Variants in EXOC6 observed in about 807,000 individuals in gnomAD.
EXOC6 encodes SEC15-like 1.
Under a neutral mutation model 112.5 loss-of-function variants are expected in EXOC6, and 60 were observed. The observed-to-expected ratio is 0.53, with a 90% CI of 0.43 to 0.66. The LOEUF is 0.66. EXOC6 is among the 30% of genes least tolerant of loss of function. The pLI is 0.00. For missense variants in EXOC6, 855 were observed against 957.1 expected, an observed-to-expected ratio of 0.89 and a Z score of 1.41; for synonymous variants, 295 against 308.0, an observed-to-expected ratio of 0.96 and a Z score of 0.44.
At chr10:92,955,328 C>T (rs1853631106) in intron 16 of EXOC6, among the ~76,000 whole-genome samples, 1 of 151,600 alleles carries the variant, frequency 6.6e-6, no homozygotes, top group African/African-American at 2.4e-5. Flanking sequence ...TTGAAACATA[C>T]TATGAAAAGT....
At chr10:93,049,561 TTTTTG>T (rs1234623974) in intron 20 of EXOC6, among the ~76,000 whole-genome samples, 1 of 152,182 alleles carries the variant, frequency 6.6e-6, no homozygotes, top group Non-Finnish European at 1.5e-5. Flanking sequence ...CAGGTAGGTC[TTTTTG>T]TTTTGTTTGT....
At chr10:92,860,943 A>G (rs990989359) in intron 1 of EXOC6, among the ~76,000 whole-genome samples, 3 of 152,196 alleles carry the variant, frequency 2.0e-5, no homozygotes, top group Non-Finnish European at 2.9e-5. Flanking sequence ...GTTTGAGTGC[A>G]GTGCCTGGTT....
intron 17 of EXOC6, among the ~76,000 whole-genome samples, chr10:92,960,592 CAAAA>C (rs56016433): frequency 1.8e-5 from 2 of 112,996 alleles, no homozygotes; most frequent in Non-Finnish European, 3.9e-5. Context: ...ATTTAAATTG[CAAAA>C]AAAAAAAAAA....
intron 1 of EXOC6, among the ~76,000 whole-genome samples, chr10:92,858,910 G>A (rs553805528): frequency 4.7e-4 from 71 of 152,166 alleles, no homozygotes; most frequent in African/African-American, 1.5e-3. Context: ...GACTACAGGC[G>A]CACACCGCCA....
intron 19 of EXOC6, among the ~76,000 whole-genome samples, chr10:93,005,574 C>G (rs1291044771): frequency 6.6e-6 from 1 of 152,056 alleles, no homozygotes; most frequent in African/African-American, 2.4e-5. Flanking sequence ...GAAATTCTTC[C>G]TGTTACTAAG....
intron 20 of EXOC6, among the ~76,000 whole-genome samples, chr10:93,030,695 G>A (rs950911743): frequency 1.3e-5 from 2 of 152,100 alleles, no homozygotes; most frequent in African/African-American, 2.4e-5. Context: ...CAAGTATGGA[G>A]AAAAATAAAG....
At chr10:92,978,085 T>C (rs1287824960) in intron 18 of EXOC6, among the ~76,000 whole-genome samples, 1 of 151,994 alleles carries the variant, frequency 6.6e-6, no homozygotes, top group Admixed American at 6.6e-5. Flanking sequence ...TACAACCATA[T>C]AAAAAGAAAA....
At chr10:92,959,066 C>A (rs1344955016) in intron 17 of EXOC6, among the ~76,000 whole-genome samples, 1 of 152,082 alleles carries the variant, frequency 6.6e-6, no homozygotes, top group Non-Finnish European at 1.5e-5. Flanking sequence ...TGCACTCCAG[C>A]CTGGCGGTAG....
intron 1 of EXOC6, among the ~76,000 whole-genome samples, chr10:92,881,081 T>G (rs1398577072): frequency 6.6e-6 from 1 of 152,184 alleles, no homozygotes; most frequent in Non-Finnish European, 1.5e-5. Flanking sequence ...TGAAGTAATC[T>G]GAAGTCTCAA....
chr10:92,943,786 C>T (rs900179104), intron 13 of EXOC6, among the ~76,000 whole-genome samples: 7 of 151,802 alleles, frequency 4.6e-5, no homozygotes, highest in Non-Finnish European at 5.9e-5. Context: ...TATTATTAAC[C>T]GTAGTCACCT....
chr10:92,882,499 G>C (rs576225805), intron 1 of EXOC6, among the ~76,000 whole-genome samples: 3 of 145,998 alleles, frequency 2.1e-5, no homozygotes, highest in African/African-American at 7.6e-5. Context: ...AGCCAAGATC[G>C]TGCCACTACA....
At position 92,928,349 on chromosome 10, in the gene EXOC6, A is replaced by C; in HGVS notation, c.899A>C (p.Glu300Ala). 1 of 1,606,034 alleles carries C rather than the reference A, an allele frequency of 6.2e-7. No individual in the cohort carries two copies. Among genetic ancestry groups the C allele is most frequent in the Non-Finnish European group, 8.5e-7 (1 of 1,174,672 alleles). ...LHIYSVLGDE[E>A]TFENYYRKQR... Reference sequence around the variant, plus strand: ...CTGATTTTATTTTAGGGTGACGAGGAAACATTTGAAAACTATTATCGAAAA... The same window carrying C: ...CTGATTTTATTTTAGGGTGACGAGGCAACATTTGAAAACTATTATCGAAAA... Residue 300 changes from glutamate to alanine, a missense_variant, in exon 9 of 22, where the codon GAA becomes GCA. Physicochemically the swap from Glu to Ala is moderately radical, Grantham distance 107. This residue lies in a region of EXOC6 where 405 missense variants were observed against 393.6 expected (regional missense o/e 1.03). Coordinates refer to ENST00000260762, the MANE Select transcript of EXOC6 (RefSeq NM_019053.6).
At chr10:92,965,808 A>G (rs781003839) in intron 17 of EXOC6, among the ~76,000 whole-genome samples, 11 of 152,174 alleles carry the variant, frequency 7.2e-5, no homozygotes, top group Non-Finnish European at 1.5e-4. Context: ...GATCAGACAC[A>G]TATGTTTTCT....
chr10:92,945,669 T>C (rs1023652595), intron 13 of EXOC6, among the ~76,000 whole-genome samples: 3 of 152,176 alleles, frequency 2.0e-5, no homozygotes, highest in Non-Finnish European at 2.9e-5. Flanking sequence ...TTTATTGTCT[T>C]CTAGTAGTTA....
At position 92,828,243 on chromosome 10, in the gene EXOC6, C is replaced by G. The variant is rs1252358854; in HGVS notation, c.-27+1299C>G. On this transcript the variant is annotated intron_variant, in intron 1 of 22. Transcript: ENST00000671701. The stretch of plus-strand genomic sequence containing the variant: ...TGACTTATTACACTGGCTAGATTTC[C>G]AGGACAATTTTGAATAGAGCTAGTG... Among the ~76,000 whole-genome samples, 5 of 152,258 alleles carry G rather than the reference C, an allele frequency of 3.3e-5. No individual in the cohort carries two copies. In the East Asian group the frequency reaches 9.7e-4, roughly 29 times the overall value.
Position 92,848,531 on chromosome 10 carries a change from A to C in EXOC6, c.-3A>C. On this transcript the variant is annotated 5_prime_UTR_variant, in exon 1 of 22. Coordinates refer to ENST00000260762, the MANE Select transcript of EXOC6 (RefSeq NM_019053.6). ...CTCGCTGGCTCCTCAGCTTCCAGCCAAAATGGCGGAGAACAGCGAGAGTCT... is the reference window on the plus strand; with the variant it reads ...CTCGCTGGCTCCTCAGCTTCCAGCCCAAATGGCGGAGAACAGCGAGAGTCT... The C allele has an allele frequency of 2.3e-6, 3 of 1,329,640 alleles. No homozygotes were observed. The highest frequency in any genetic ancestry group is 2.3e-5 in the Admixed American group (1 of 43,064). The allele number at this position is 1,329,640 out of a possible 1,614,324, so 82.4% of individuals were successfully genotyped here.
At chr10:92,955,459 A>G (rs1393051776) in intron 16 of EXOC6, 121 bp from the exon 17 acceptor site, 6 of 767,236 alleles carry the variant, frequency 7.8e-6, no homozygotes, top group African/African-American at 7.1e-5. Context: ...GTTGTATCCT[A>G]TAATGCTGCA....
At chr10:92,835,442 C>A (rs533007041) in intron 1 of EXOC6, among the ~76,000 whole-genome samples, 2 of 152,300 alleles carry the variant, frequency 1.3e-5, no homozygotes, top group South Asian at 2.1e-4. Context: ...GTTCAAAGGG[C>A]AGCTTTTAAA....
At chr10:93,032,635 C>G (rs1845323250) in intron 20 of EXOC6, among the ~76,000 whole-genome samples, 1 of 152,142 alleles carries the variant, frequency 6.6e-6, no homozygotes. Flanking sequence ...GTTTGAGCAC[C>G]TGCTTTGGGC....
Sources: gnomAD v4.1 joint callset for allele counts (sites outside exome capture counted in the v4.1 genomes callset) on GRCh38, gnomAD v4.1.1 for gene constraint, gnomAD v4.1.1 regional missense constraint, MANE v1.5 for transcripts, NCBI Gene and HGNC (gene_info 2026-07-23, HGNC 2026-07-21) for gene names.